The following CAMSAP1 variants were observed in gnomAD, a reference collection of about 807,000 sequenced individuals.
The protein encoded by CAMSAP1 is calmodulin-regulated spectrin-associated protein 1.
Under a neutral mutation model 143.5 loss-of-function variants are expected in CAMSAP1, and 58 were observed. The ratio of observed to expected loss-of-function variants is 0.40; its 90% CI spans 0.33 to 0.50. CAMSAP1 has a LOEUF of 0.50. Among genes scored for constraint, CAMSAP1 ranks in the 20% least tolerant of loss-of-function variants. The pLI, the probability that CAMSAP1 is intolerant of heterozygous loss-of-function variation, is 0.45. For synonymous variants in CAMSAP1, 945 were observed against 859.3 expected (o/e 1.10, Z -1.74); for missense variants, 1,969 against 2,115.7 (o/e 0.93, Z 1.36).
Position 135,907,416 on chromosome 9 carries a change from C to A in CAMSAP1, c.-257G>T, listed in dbSNP as rs983578817. On this transcript the variant is annotated 5_prime_UTR_variant, in exon 1 of 17. Coordinates refer to ENST00000389532, the MANE Select transcript of CAMSAP1 (RefSeq NM_015447.4). ...CCAAAGAGGCGGCGGCAGGAGGGCG[C>A]GGGCCGGGGGCGGGGGCGGGCGCGG... Among the ~76,000 whole-genome samples the A allele has an allele frequency of 3.7e-3, 543 of 145,080 alleles. 5 individuals are homozygous for A. Among genetic ancestry groups the A allele is most frequent in the African/African-American group, 0.013 (503 of 40,162 alleles).
intron 5 of CAMSAP1, among the ~76,000 whole-genome samples, chr9:135,861,344 G>A (rs529290858): frequency 1.1e-4 from 16 of 141,712 alleles, no homozygotes; most frequent in African/African-American, 2.7e-4. Flanking sequence ...ACAGAGTCTC[G>A]CTCTGTTGCC....
intron 7 of CAMSAP1, among the ~76,000 whole-genome samples, chr9:135,845,621 TC>T (rs1180486079): frequency 1.3e-5 from 2 of 152,196 alleles, no homozygotes; most frequent in African/African-American, 4.8e-5. Flanking sequence ...GAAAACCCCA[TC>T]GTCTCAACCC....
At chr9:135,892,848 C>CAGAAAAAAAAAAAAAAAAAAAAAAAA (rs1750776089) in intron 1 of CAMSAP1, among the ~76,000 whole-genome samples, 1 of 42,078 alleles carries the variant, frequency 2.4e-5, no homozygotes. Context: ...AAGACTGTCT[C>CAGAAAAAAAAAAAAAAAAAAAAAAAA]AAAAAAAAAA....
chr9:135,819,987 T>C (rs1200876644), intron 11 of CAMSAP1, among the ~76,000 whole-genome samples: 1 of 152,218 alleles, frequency 6.6e-6, no homozygotes, highest in Non-Finnish European at 1.5e-5. Context: ...CATAACTGCC[T>C]GGAGGCAAAG....
intron 4 of CAMSAP1, 75 bp downstream of exon 4, chr9:135,866,381 G>C: frequency 1.3e-6 from 1 of 759,064 alleles, no homozygotes. Context: ...CAAATAGTGG[G>C]AACTAACAGA....
chr9:135,873,410 T>A (rs1193604265), intron 3 of CAMSAP1, among the ~76,000 whole-genome samples: 3 of 151,992 alleles, frequency 2.0e-5, no homozygotes, highest in Non-Finnish European at 4.4e-5. Flanking sequence ...CTTAAAAAAC[T>A]AGACAAGGAG....
At chr9:135,890,040 C>T (rs1337958716) in intron 1 of CAMSAP1, among the ~76,000 whole-genome samples, 2 of 142,902 alleles carry the variant, frequency 1.4e-5, no homozygotes, top group East Asian at 2.4e-4. Context: ...GGAGGCCCCT[C>T]GGGGTGGGAT....
chr9:135,862,384 TTA>T, intron 5 of CAMSAP1, 81 bp downstream of exon 5: 1 of 1,366,122 alleles, frequency 7.3e-7, no homozygotes, highest in Non-Finnish European at 9.7e-7. Context: ...TTTTTTTTTT[TTA>T]ATATATATGT....
chr9:135,831,844 C>A (rs1207271888), intron 7 of CAMSAP1, among the ~76,000 whole-genome samples: 1 of 152,056 alleles, frequency 6.6e-6, no homozygotes, highest in East Asian at 1.9e-4. Context: ...CTGAATAATG[C>A]AGAAGAAATG....
intron 5 of CAMSAP1, among the ~76,000 whole-genome samples, chr9:135,859,355 C>T (rs968504863): frequency 3.3e-5 from 5 of 152,196 alleles, no homozygotes; most frequent in African/African-American, 4.8e-5. Flanking sequence ...CATAAGTCAG[C>T]AATGTGGCTC....
At chr9:135,815,768 C>T (rs1835207737) in intron 15 of CAMSAP1, 122 bp downstream of exon 15, 2 of 813,198 alleles carry the variant, frequency 2.5e-6, no homozygotes, top group South Asian at 1.8e-5. Context: ...TCTTTCACTA[C>T]ATCAAACATC....
In CAMSAP1 at chr9:135,818,774, C is replaced by T; in HGVS notation, c.3960-158G>A. The stretch of plus-strand genomic sequence containing the variant: ...AAGCGGGACACAGAGGCTGCAAAGG[C>T]AGTCCTGCAGATGACCCACCGAGGC... On this transcript the variant is annotated intron_variant, in intron 12 of 16. Transcript: ENST00000389532. This position sits in a 1 kb window ranked among gnomAD's most constrained non-coding sequence, Gnocchi z 7.7. The T allele has an allele frequency of 1.8e-6, 2 of 1,081,162 alleles. No homozygotes were observed. Among genetic ancestry groups the T allele is most frequent in the Non-Finnish European group, 1.3e-6 (1 of 769,482 alleles). The allele number at this position is 1,081,162 out of a possible 1,614,324, so 67.0% of individuals were successfully genotyped here. A position where few individuals can be genotyped will look rare whatever the true frequency, so the allele number is the denominator to read the frequency against.
At chr9:135,889,831 C>T (rs769665071) in intron 1 of CAMSAP1, among the ~76,000 whole-genome samples, 4 of 152,216 alleles carry the variant, frequency 2.6e-5, no homozygotes, top group Non-Finnish European at 5.9e-5. Context: ...CGGCCACCCT[C>T]ATTCACACCT....
At chr9:135,900,863 G>T (rs571683295) in intron 1 of CAMSAP1, among the ~76,000 whole-genome samples, 13 of 152,028 alleles carry the variant, frequency 8.6e-5, no homozygotes, top group African/African-American at 3.1e-4. Context: ...TAAGCGATTC[G>T]TCTGCCTCAG....
chr9:135,901,821 C>G (rs1303966570), intron 1 of CAMSAP1, among the ~76,000 whole-genome samples: 1 of 152,140 alleles, frequency 6.6e-6, no homozygotes, highest in Non-Finnish European at 1.5e-5. Flanking sequence ...ACCTGAGCAC[C>G]ATAAACAATC....
chr9:135,858,401 A>G (rs558385972), intron 5 of CAMSAP1, among the ~76,000 whole-genome samples: 1 of 152,186 alleles, frequency 6.6e-6, no homozygotes, highest in Admixed American at 6.5e-5. Flanking sequence ...CCCAGACACT[A>G]TTTCAGATGA....
At chr9:135,883,153 C>T in intron 1 of CAMSAP1, 75 bp from the exon 2 acceptor site, 2 of 1,487,666 alleles carry the variant, frequency 1.3e-6, no homozygotes, top group Non-Finnish European at 1.8e-6. Flanking sequence ...CTGCAGTGAA[C>T]TATGACTGTG....
At chr9:135,812,504 G>A (rs370142477) in intron 16 of CAMSAP1, among the ~76,000 whole-genome samples, 3 of 151,946 alleles carry the variant, frequency 2.0e-5, no homozygotes, top group African/African-American at 7.3e-5. Context: ...GCTTGGGCGC[G>A]GGAAGACTTA....
chr9:135,824,019 G>A lies in CAMSAP1; in HGVS notation c.1331C>T (p.Ser444Leu), dbSNP rs763497335. The part of the protein sequence containing the change: ...GEDIPDQRHR[S>L]NSLTRVDGQP... The stretch of plus-strand genomic sequence containing the variant: ...ACCATCAACTCGGGTCAAAGAATTC[G>A]ATCGATGTCGCTGATCTGCAGTACA... The change falls in exon 10 of 17, where the codon TCG becomes TTG. Residue 444 changes from serine to leucine, a missense_variant. By Grantham distance (145) the Ser-to-Leu change is moderately radical. Coordinates refer to ENST00000389532, the MANE Select transcript of CAMSAP1 (RefSeq NM_015447.4). This position sits in a 1 kb window ranked among gnomAD's most constrained non-coding sequence, Gnocchi z 4.1. The A allele has an allele frequency of 8.2e-6, 13 of 1,583,718 alleles. No individual in the cohort carries two copies. Among genetic ancestry groups the A allele is most frequent in the Admixed American group, 3.6e-5 (2 of 55,454 alleles).
Sources: allele counts gnomAD v4.1 joint callset (sites outside exome capture counted in the v4.1 genomes callset), GRCh38; gene constraint gnomAD v4.1.1; non-coding constraint Gnocchi (gnomAD v3.1); transcripts MANE v1.5; gene names NCBI Gene and HGNC (gene_info 2026-07-23, HGNC 2026-07-21).